EHBP1: variants seen among roughly 807,000 people sequenced by gnomAD.
EHBP1 encodes the protein EH domain-binding protein 1.
In EHBP1, 55 loss-of-function variants were observed where a neutral mutation model predicts 144.0. That is an observed-to-expected ratio of 0.38 (90% confidence interval 0.31 to 0.48). EHBP1 has a LOEUF of 0.48. EHBP1 is among the 20% of genes least tolerant of loss of function. The pLI, the probability that EHBP1 is intolerant of heterozygous loss-of-function variation, is 0.98. For synonymous variants in EHBP1, 469 were observed against 472.7 expected (o/e 0.99, Z 0.10); for missense variants, 1,200 against 1,364.2 (o/e 0.88, Z 1.90).
chr2:62,990,021 C>T (rs1024162026), intron 15 of EHBP1, among the ~76,000 whole-genome samples: 12 of 151,972 alleles, frequency 7.9e-5, no homozygotes, highest in East Asian at 3.9e-4. Context: ...ATATCTATTG[C>T]GACCATTTTA....
At chr2:62,927,342 A>G (rs1434151278) in intron 10 of EHBP1, among the ~76,000 whole-genome samples, 1 of 152,184 alleles carries the variant, frequency 6.6e-6, no homozygotes, top group Admixed American at 6.6e-5. Context: ...AAAGCTATAT[A>G]TTATTAGGAG....
chr2:62,802,055 C>T (rs1344129267), intron 5 of EHBP1, among the ~76,000 whole-genome samples: 1 of 152,222 alleles, frequency 6.6e-6, no homozygotes, highest in Non-Finnish European at 1.5e-5. Context: ...CCACTCTGAA[C>T]ACCTTCCTAG....
intron 21 of EHBP1, chr2:63,044,101 A>G (rs557573928): frequency 1.3e-5 from 2 of 149,588 alleles, no homozygotes; most frequent in South Asian, 2.1e-4. Context: ...TGACAGCTAC[A>G]AGCCCTTACA....
chr2:62,682,439 T>C (rs1005442091), intron 1 of EHBP1, among the ~76,000 whole-genome samples: 1 of 152,204 alleles, frequency 6.6e-6, no homozygotes, highest in African/African-American at 2.4e-5. Context: ...TTTTCCAATT[T>C]ATTGTCCTTT....
chr2:62,884,629 C>T (rs924068157), intron 10 of EHBP1, among the ~76,000 whole-genome samples: 2 of 152,142 alleles, frequency 1.3e-5, no homozygotes, highest in Non-Finnish European at 2.9e-5. Flanking sequence ...GGAAGGAAAT[C>T]ACCAACTACA....
In EHBP1 at chr2:62,890,908, C is replaced by T. The variant is rs74262048; in HGVS notation, c.1185+16376C>T. 2.0e-3 allele frequency among the ~76,000 whole-genome samples: 303 copies of T among 152,280 alleles called. 8 individuals carry two copies. In the East Asian group the frequency reaches 0.042, roughly 21 times the overall value. ...AATTATAAGAAGCCTGGGCTGGGCA[C>T]GGCGGCTCACGCCTGTAATCCAGCA... On this transcript the variant is annotated intron_variant, in intron 10 of 22. Coordinates refer to ENST00000431489, the MANE Select transcript of EHBP1 (RefSeq NM_001142616.3).
chr2:62,725,337 A>G (rs570657692), intron 2 of EHBP1, among the ~76,000 whole-genome samples: 1 of 152,268 alleles, frequency 6.6e-6, no homozygotes, highest in Admixed American at 6.5e-5. Context: ...TGGTTGCGGC[A>G]GTGTGCTAGT....
At chr2:62,772,535 T>G (rs2041752345) in intron 5 of EHBP1, among the ~76,000 whole-genome samples, 1 of 152,244 alleles carries the variant, frequency 6.6e-6, no homozygotes, top group African/African-American at 2.4e-5. Context: ...ATATATTAGA[T>G]TCACAGAAAT....
chr2:62,938,195 A>C (rs1364144321), intron 10 of EHBP1, among the ~76,000 whole-genome samples: 1 of 152,244 alleles, frequency 6.6e-6, no homozygotes, highest in Non-Finnish European at 1.5e-5. Flanking sequence ...ATTGAGTTTG[A>C]ATTTTGTATG....
intron 10 of EHBP1, among the ~76,000 whole-genome samples, chr2:62,915,042 T>C (rs1405119257): frequency 2.6e-5 from 4 of 152,062 alleles, no homozygotes; most frequent in Admixed American, 1.3e-4. Flanking sequence ...CTTGGAAATA[T>C]CTAAAAATGT....
At chr2:62,734,819 C>G (rs557708529) in intron 2 of EHBP1, among the ~76,000 whole-genome samples, 1 of 152,284 alleles carries the variant, frequency 6.6e-6, no homozygotes, top group Admixed American at 6.5e-5. Flanking sequence ...GTCTTGAACT[C>G]CTGGGTTTAA....
At chr2:62,717,499 T>C (rs2035797963) in intron 2 of EHBP1, among the ~76,000 whole-genome samples, 1 of 152,114 alleles carries the variant, frequency 6.6e-6, no homozygotes, top group Non-Finnish European at 1.5e-5. Context: ...TTAAAAGGAG[T>C]GGAACTGAGT....
In EHBP1 at chr2:62,939,465, G is replaced by T. The variant is rs185800571; in HGVS notation, c.1186-3253G>T. Among the ~76,000 whole-genome samples the T allele has an allele frequency of 2.0e-4, 31 of 152,178 alleles. 1 individual carries two copies. In the East Asian group the frequency reaches 5.8e-3, roughly 28 times the overall value. Reference sequence around the variant, plus strand: ...TTTTTTTGTATTTTTAGTACAGGTGGGGTTTCACCATGCTGGCCAGGCCAG... The same window carrying T: ...TTTTTTTGTATTTTTAGTACAGGTGTGGTTTCACCATGCTGGCCAGGCCAG... On this transcript the variant is annotated intron_variant, in intron 10 of 22. Coordinates refer to ENST00000431489, the MANE Select transcript of EHBP1 (RefSeq NM_001142616.3).
intron 19 of EHBP1, among the ~76,000 whole-genome samples, chr2:63,022,906 G>A (rs1377768915): frequency 6.6e-6 from 1 of 152,094 alleles, no homozygotes; most frequent in African/African-American, 2.4e-5. Context: ...GGGCACAGTG[G>A]CTCACGCCTG....
intron 19 of EHBP1, among the ~76,000 whole-genome samples, chr2:63,030,294 T>C (rs1283941359): frequency 6.6e-6 from 1 of 152,074 alleles, no homozygotes; most frequent in Non-Finnish European, 1.5e-5. Context: ...CCAAATAACC[T>C]AAATAAAGAT....
chr2:62,679,811 C>T (rs1264591365), intron 1 of EHBP1, among the ~76,000 whole-genome samples: 5 of 152,178 alleles, frequency 3.3e-5, no homozygotes, highest in African/African-American at 1.2e-4. Context: ...AATCCCAAAC[C>T]ATCACCAACA....
intron 5 of EHBP1, among the ~76,000 whole-genome samples, chr2:62,789,384 A>G (rs932892709): frequency 6.6e-6 from 1 of 152,180 alleles, no homozygotes; most frequent in Non-Finnish European, 1.5e-5. Context: ...TAGAAAGTTG[A>G]TAGAGTTAAG....
chr2:62,805,974 A>G (rs1013089843), intron 5 of EHBP1, among the ~76,000 whole-genome samples: 9 of 139,474 alleles, frequency 6.5e-5, no homozygotes, highest in Non-Finnish European at 1.1e-4. Flanking sequence ...ATTTGCTACT[A>G]TTTTCTGGAT....
chr2:62,697,793 G>C (rs1180664173), intron 1 of EHBP1, among the ~76,000 whole-genome samples: 5 of 152,156 alleles, frequency 3.3e-5, no homozygotes, highest in Non-Finnish European at 5.9e-5. Context: ...TGTTGCCTTA[G>C]AACTTGCAAA....
Sources: gnomAD v4.1 joint callset for allele counts (sites outside exome capture counted in the v4.1 genomes callset) on GRCh38, gnomAD v4.1.1 for gene constraint, MANE v1.5 for transcripts, NCBI Gene and HGNC (gene_info 2026-07-23, HGNC 2026-07-21) for gene names.